PRAME: variants seen among roughly 807,000 people sequenced by gnomAD.
PRAME encodes PRAME nuclear receptor transcriptional regulator.
PRAME carries 21 observed loss-of-function variants against 32.1 expected under a neutral mutation model. That is an observed-to-expected ratio of 0.65 (90% confidence interval 0.46 to 0.94). PRAME has a LOEUF of 0.94. PRAME is among the 40% of genes least tolerant of loss of function. The pLI, the probability that PRAME is intolerant of heterozygous loss-of-function variation, is 0.00. For synonymous variants in PRAME, 274 were observed against 251.5 expected, an observed-to-expected ratio of 1.09 and a Z score of -0.85; for missense variants, 651 against 622.3, an observed-to-expected ratio of 1.05 and a Z score of -0.49.
rs1171680371 is a variant in PRAME at position 22,548,004 on chromosome 22, G to C, written c.*63C>G. On this transcript the variant is annotated 3_prime_UTR_variant, in exon 6 of 6. Coordinates refer to ENST00000405655, the MANE Select transcript of PRAME (RefSeq NM_206956.3). Reference sequence around the variant, plus strand: ...TGTGGCTGCTTTGTTGCTTCAAGATGCATGCACATCCTGGCTTTAGTGTCC... The same window carrying C: ...TGTGGCTGCTTTGTTGCTTCAAGATCCATGCACATCCTGGCTTTAGTGTCC... 1 of 1,485,994 alleles carries C rather than the reference G, an allele frequency of 6.7e-7. No homozygotes were observed. Among genetic ancestry groups the C allele is most frequent in the Non-Finnish European group, 9.1e-7 (1 of 1,095,160 alleles). 92.1% of individuals were successfully genotyped at this position (1,485,994 alleles called of 1,614,324 possible).
rs1379865212 is a variant in PRAME, at chr22:22,548,649, A to G, written c.954-6T>C. On this transcript the variant is annotated splice_region_variant and splice_polypyrimidine_tract_variant and intron_variant, in intron 5 of 5. Transcript: ENST00000405655. ...CCAAGGGGTTCATCACGTGCCTGCA[A>G]ATAGACAAAGCAGTTAGTGCTGGGG... 6.3e-7 allele frequency: 1 copy of G among 1,579,874 alleles called. No individual in the cohort carries two copies. The highest frequency in any genetic ancestry group is 8.6e-7 in the Non-Finnish European group (1 of 1,165,444).
intron 3 of PRAME, among the ~76,000 whole-genome samples, chr22:22,554,895 G>A (rs560137973): frequency 1.8e-4 from 27 of 152,024 alleles, no homozygotes; most frequent in Non-Finnish European, 2.9e-4. Context: ...AGGAGGAACC[G>A]CGATCAAGTG....
At chr22:22,549,603 A>C (rs2062446969) in intron 5 of PRAME, 123 bp downstream of exon 5, 2 of 1,284,084 alleles carry the variant, frequency 1.6e-6, no homozygotes, top group East Asian at 2.5e-5. Flanking sequence ...AAGACGTGTT[A>C]ACTGGTAGTG....
chr22:22,548,668 G>A (rs559750257), intron 5 of PRAME, 25 bp from the exon 6 acceptor site: 3 of 1,533,444 alleles, frequency 2.0e-6, no homozygotes, highest in East Asian at 2.3e-5. Flanking sequence ...AGCAGTTAGT[G>A]CTGGGGAATG....
At chr22:22,557,064 C>T in intron 2 of PRAME, 155 bp from the exon 3 acceptor site, 1 of 598,266 alleles carries the variant, frequency 1.7e-6, no homozygotes, top group South Asian at 1.9e-5. Context: ...TGGCTCCAAA[C>T]CTGAGCACCA....
At position 22,559,247 on chromosome 22, in the gene PRAME, C is replaced by CTG; in HGVS notation, c.-392_-391dup. On this transcript the variant is annotated 5_prime_UTR_variant, in exon 1 of 6. Transcript: ENST00000405655. ...TGCTGAGGCGCTGCAGGCCCGGCTT[C>CTG]TGGCTGCGGGGGAGCTGTACCCTGA... The CTG allele has an allele frequency of 3.2e-6, 1 of 313,960 alleles. No homozygotes were observed. The highest frequency in any genetic ancestry group is 2.7e-5 in the South Asian group (1 of 36,402). The allele number at this position is 313,960 out of a possible 1,614,324, so 19.4% of individuals were successfully genotyped here.
At chr22:22,551,235 A>C in intron 3 of PRAME, 146 bp from the exon 4 acceptor site, 23 of 651,996 alleles carry the variant, frequency 3.5e-5, no homozygotes, top group East Asian at 1.2e-4. Flanking sequence ...CCCCGATTCC[A>C]CTCTGCACTC....
intron 3 of PRAME, among the ~76,000 whole-genome samples, 192 bp from the exon 4 acceptor site, chr22:22,551,281 A>G (rs1015786286): frequency 5.3e-5 from 8 of 151,942 alleles, no homozygotes; most frequent in African/African-American, 1.7e-4. Context: ...TGGCACCAGG[A>G]TGAACATCTC....
intron 3 of PRAME, chr22:22,553,868 C>G (rs1026421581): frequency 2.7e-5 from 27 of 985,046 alleles, no homozygotes; most frequent in Non-Finnish European, 3.0e-5. Context: ...CACACTGGGG[C>G]TGTTCACAAG....
chr22:22,556,619 G>T (rs1271723759), intron 3 of PRAME, among the ~76,000 whole-genome samples, 193 bp downstream of exon 3: 2 of 151,928 alleles, frequency 1.3e-5, no homozygotes, highest in South Asian at 4.2e-4. Context: ...CCCTAGGGTT[G>T]ACTCTCATAC....
chr22:22,552,193 A>G (rs2062622972), intron 3 of PRAME, among the ~76,000 whole-genome samples: 1 of 151,430 alleles, frequency 6.6e-6, no homozygotes, highest in African/African-American at 2.4e-5. Context: ...AAAGAAAAAA[A>G]TCTATGGAAT....
intron 3 of PRAME, chr22:22,553,839 A>C (rs2062744654): frequency 1.0e-6 from 1 of 985,086 alleles, no homozygotes; most frequent in Non-Finnish European, 1.2e-6. Flanking sequence ...CCTTCTCTTT[A>C]TGGTTAGGTG....
intron 5 of PRAME, among the ~76,000 whole-genome samples, chr22:22,549,207 G>A (rs1355783959): frequency 6.6e-6 from 1 of 151,824 alleles, no homozygotes. Context: ...CAATTTCTCT[G>A]TTGTTCCTTC....
chr22:22,556,356 G>A (rs2147050659), intron 3 of PRAME, among the ~76,000 whole-genome samples: 1 of 151,670 alleles, frequency 6.6e-6, no homozygotes, highest in Admixed American at 6.6e-5. Context: ...CTGTCGCCAG[G>A]CTGGAGTGCA....
intron 3 of PRAME, among the ~76,000 whole-genome samples, chr22:22,553,388 T>A (rs2062715504): frequency 6.6e-6 from 1 of 151,956 alleles, no homozygotes; most frequent in African/African-American, 2.4e-5. Context: ...TAGTCAGAAG[T>A]AAGGCTGGGC....
chr22:22,553,912 C>A (rs1463544053), intron 3 of PRAME: 14 of 985,042 alleles, frequency 1.4e-5, no homozygotes, highest in African/African-American at 1.7e-5. Context: ...AACATAATCT[C>A]CAATGGCCAG....
chr22:22,548,728 A>G, intron 5 of PRAME, 85 bp from the exon 6 acceptor site: 3 of 1,267,822 alleles, frequency 2.4e-6, no homozygotes, highest in Non-Finnish European at 3.3e-6. Context: ...ACCAAAACCC[A>G]AAGTCTTCCT....
chr22:22,556,589 G>A (rs994149243), intron 3 of PRAME, among the ~76,000 whole-genome samples: 12 of 152,098 alleles, frequency 7.9e-5, no homozygotes, highest in African/African-American at 2.2e-4. Flanking sequence ...GGGATTACAG[G>A]CATGAGCCAC....
Position 22,556,912 on chromosome 22 carries a change from G to C in PRAME, c.-77-3C>G. On this transcript the variant is annotated splice_region_variant and splice_polypyrimidine_tract_variant and intron_variant, in intron 2 of 5. Coordinates refer to ENST00000405655, the MANE Select transcript of PRAME (RefSeq NM_206956.3). ...CAGTCACTTGTTGCCACGCACGTCT[G>C]AGAGTAATAATCAAAATGCTCCAAA... 6.5e-7 allele frequency: 1 copy of C among 1,528,650 alleles called. No individual in the cohort carries two copies. The highest frequency in any genetic ancestry group is 9.1e-7 in the Non-Finnish European group (1 of 1,103,914). The allele number at this position is 1,528,650 out of a possible 1,614,324, so 94.7% of individuals were successfully genotyped here. A position where few individuals can be genotyped will look rare whatever the true frequency, so the allele number is the denominator to read the frequency against.
Sources: gnomAD v4.1 joint callset for allele counts (sites outside exome capture counted in the v4.1 genomes callset) on GRCh38, gnomAD v4.1.1 for gene constraint, MANE v1.5 for transcripts, NCBI Gene and HGNC (gene_info 2026-07-23, HGNC 2026-07-21) for gene names.